The following AVEN variants were observed in gnomAD, a reference collection of about 807,000 sequenced individuals.
AVEN encodes the protein cell death regulator Aven.
AVEN carries 41 observed loss-of-function variants against 38.1 expected under a neutral mutation model. That is an observed-to-expected ratio of 1.08 (90% CI 0.84 to 1.40). The LOEUF (loss-of-function observed/expected upper bound fraction) is 1.40, where lower values mean the gene tolerates loss of function less well. Among genes scored for constraint, AVEN ranks in the 40% most tolerant of loss-of-function variants. The pLI is 0.00. For missense variants in AVEN, 605 were observed against 438.8 expected (o/e 1.38, Z -3.38); for synonymous variants, 206 against 171.8 (o/e 1.20, Z -1.56).
intron 2 of AVEN, among the ~76,000 whole-genome samples, chr15:33,949,883 A>G (rs966809598): frequency 1.8e-4 from 28 of 152,182 alleles, no homozygotes; most frequent in Non-Finnish European, 1.5e-5. Context: ...CCAAAATGAA[A>G]TCAGTATCTC....
chr15:33,883,552 T>C (rs1891579555), intron 2 of AVEN: 1 of 152,138 alleles, frequency 6.6e-6, no homozygotes, highest in African/African-American at 2.4e-5. Context: ...CACGCTTCAG[T>C]ATAGTATGAA....
intron 2 of AVEN, among the ~76,000 whole-genome samples, chr15:33,933,491 T>TCACACACACACACACACACACACACACA (rs71974331): frequency 7.3e-5 from 5 of 68,298 alleles, no homozygotes; most frequent in African/African-American, 3.2e-4. Flanking sequence ...CCTCCAACAA[T>TCACACACACACACACACACACACACACA]CACACACACA....
At chr15:33,861,373 C>A (rs1432295892), downstream of AVEN, among the ~76,000 whole-genome samples, 3 of 152,020 alleles carry the variant, frequency 2.0e-5, no homozygotes, top group Admixed American at 6.5e-5. Context: ...ATTCCCGCTC[C>A]TAGCAAAAGG....
At chr15:34,033,638 A>G (rs1898968926) in intron 1 of AVEN, among the ~76,000 whole-genome samples, 1 of 152,234 alleles carries the variant, frequency 6.6e-6, no homozygotes, top group Non-Finnish European at 1.5e-5. Flanking sequence ...CATTTATTAC[A>G]GGAAGACATG....
intron 1 of AVEN, among the ~76,000 whole-genome samples, chr15:34,008,426 A>G (rs115990013): frequency 0.021 from 3,113 of 150,906 alleles, 127 homozygotes; most frequent in African/African-American, 0.073. Flanking sequence ...TCTCTTAAAA[A>G]GAAAAAAAAA....
intron 2 of AVEN, among the ~76,000 whole-genome samples, chr15:33,967,393 G>C (rs1895432258): frequency 6.6e-6 from 1 of 152,032 alleles, no homozygotes; most frequent in Non-Finnish European, 1.5e-5. Context: ...TGTTAGGTGT[G>C]ATAATGGCAC....
chr15:33,977,819 T>C (rs530384848), intron 2 of AVEN, among the ~76,000 whole-genome samples: 3 of 152,188 alleles, frequency 2.0e-5, no homozygotes, highest in African/African-American at 4.8e-5. Flanking sequence ...ACCCGTGTAA[T>C]TCTAACACTT....
At chr15:33,982,968 G>A (rs1170136225) in intron 2 of AVEN, among the ~76,000 whole-genome samples, 2 of 151,862 alleles carry the variant, frequency 1.3e-5, no homozygotes, top group Admixed American at 6.6e-5. Context: ...CTCCTGTTGG[G>A]ATAATTTTTG....
At chr15:33,933,031 CTG>C (rs1893910388) in intron 2 of AVEN, among the ~76,000 whole-genome samples, 1 of 151,984 alleles carries the variant, frequency 6.6e-6, no homozygotes. Context: ...GCAAAACAAA[CTG>C]TATTTCCTAT....
chr15:33,897,456 G>C (rs146853359), intron 2 of AVEN, among the ~76,000 whole-genome samples: 4,990 of 152,190 alleles, frequency 0.033, 162 homozygotes, highest in Non-Finnish European at 0.04. Context: ...TTTTAGTAGA[G>C]ACAGGGTTTC....
intron 2 of AVEN, among the ~76,000 whole-genome samples, chr15:33,943,846 A>G (rs1894410152): frequency 6.6e-6 from 1 of 151,538 alleles, no homozygotes; most frequent in Admixed American, 6.6e-5. Flanking sequence ...AAAAAAAAAA[A>G]AAAGTTGTTA....
intron 2 of AVEN, among the ~76,000 whole-genome samples, chr15:33,938,433 T>A (rs1051010984): frequency 1.9e-4 from 29 of 151,944 alleles, no homozygotes; most frequent in African/African-American, 7.0e-4. Context: ...CCAGCCTGGG[T>A]GACAGAGCAA....
chr15:33,880,169 G>C (rs1392078179), intron 2 of AVEN, among the ~76,000 whole-genome samples: 1 of 152,100 alleles, frequency 6.6e-6, no homozygotes, highest in Non-Finnish European at 1.5e-5. Flanking sequence ...GTCTTGCTGA[G>C]AACGAGGAAC....
chr15:33,934,484 C>A (rs1270327896), intron 2 of AVEN, among the ~76,000 whole-genome samples: 1 of 152,162 alleles, frequency 6.6e-6, no homozygotes, highest in Non-Finnish European at 1.5e-5. Context: ...AAGTTAATTT[C>A]TCATTTGTTT....
At chr15:33,952,552 G>A (rs1281444510) in intron 2 of AVEN, among the ~76,000 whole-genome samples, 4 of 152,044 alleles carry the variant, frequency 2.6e-5, no homozygotes, top group African/African-American at 4.8e-5. Context: ...ATAGGAAACC[G>A]CATAAATAAT....
At chr15:33,945,119 A>G (rs958350718) in intron 2 of AVEN, among the ~76,000 whole-genome samples, 2 of 152,202 alleles carry the variant, frequency 1.3e-5, no homozygotes, top group African/African-American at 4.8e-5. Context: ...GCAATAACCC[A>G]AGCTACTTTC....
At chr15:33,944,034 T>G (rs950862637) in intron 2 of AVEN, among the ~76,000 whole-genome samples, 4 of 152,042 alleles carry the variant, frequency 2.6e-5, no homozygotes, top group African/African-American at 9.7e-5. Context: ...ACACCTGGCC[T>G]AGTCACAATT....
downstream of AVEN, among the ~76,000 whole-genome samples, chr15:33,862,549 G>A (rs1421457893): frequency 6.6e-6 from 1 of 152,214 alleles, no homozygotes; most frequent in Non-Finnish European, 1.5e-5. Context: ...CTTTGGAGAA[G>A]GCATTGTCAG....
intron 2 of AVEN, among the ~76,000 whole-genome samples, chr15:33,878,304 G>C (rs1891336815): frequency 6.6e-6 from 1 of 152,040 alleles, no homozygotes; most frequent in Admixed American, 6.5e-5. Context: ...AAATAAAATG[G>C]ATAGCCACTG....
Sources: allele counts gnomAD v4.1 joint callset (sites outside exome capture counted in the v4.1 genomes callset), GRCh38; gene constraint gnomAD v4.1.1; transcripts MANE v1.5; gene names NCBI Gene and HGNC (gene_info 2026-07-23, HGNC 2026-07-21).